The following KRT8 variants were observed in gnomAD, a reference collection of about 807,000 sequenced individuals.
KRT8 encodes keratin 8, also known as keratin, type II cytoskeletal 8.
KRT8 carries 24 observed loss-of-function variants against 43.0 expected under a neutral mutation model. The ratio of observed to expected loss-of-function variants is 0.56; its 90% confidence interval spans 0.40 to 0.78. The LOEUF (loss-of-function observed/expected upper bound fraction) is 0.78. Ranked by LOEUF, KRT8 falls within the 30% of genes least tolerant of loss-of-function variation. The probability of loss-of-function intolerance (pLI) is 0.00; values close to 1 mark genes in which losing one functional copy is unlikely to be tolerated. For missense variants in KRT8, 492 were observed against 638.4 expected, an observed-to-expected ratio of 0.77 and a Z score of 2.47; for synonymous variants, 214 against 261.2, an observed-to-expected ratio of 0.82 and a Z score of 1.74.
chr12:52,908,352 C>T (rs1941566043), upstream of KRT8, among the ~76,000 whole-genome samples: 1 of 152,158 alleles, frequency 6.6e-6, no homozygotes, highest in African/African-American at 2.4e-5. Flanking sequence ...GAGATCAGGA[C>T]TGATGATCTC....
chr12:52,936,717 T>G (rs1265609426), intron 2 of KRT8, among the ~76,000 whole-genome samples: 3 of 151,984 alleles, frequency 2.0e-5, no homozygotes, highest in Non-Finnish European at 4.4e-5. Flanking sequence ...GTTTCTCCAT[T>G]TTGGTCAGGC....
chr12:52,929,610 C>T (rs996751868), intron 2 of KRT8, among the ~76,000 whole-genome samples: 2 of 152,178 alleles, frequency 1.3e-5, no homozygotes, highest in Non-Finnish European at 2.9e-5. Flanking sequence ...CTATTCACCA[C>T]TTACACCTGT....
intron 2 of KRT8, chr12:52,926,336 T>TGGCC: frequency 2.6e-6 from 1 of 385,522 alleles, no homozygotes. Context: ...CTAGCTGCCC[T>TGGCC]CCCCACCCCA....
At chr12:52,949,377 C>G in intron 2 of KRT8, 1 of 1,610,736 alleles carries the variant, frequency 6.2e-7, no homozygotes. Flanking sequence ...CCGGGATAGC[C>G]GGGGGTCTGG....
At chr12:52,938,136 C>CTATACATATATATATATA (rs1555189938) in intron 2 of KRT8, among the ~76,000 whole-genome samples, 17 of 44,052 alleles carry the variant, frequency 3.9e-4, no homozygotes, top group African/African-American at 1.3e-3. Context: ...CACTAGAAAG[C>CTATACATATATATATATA]TATATATATA....
At chr12:52,916,632 T>C (rs990521464) in intron 2 of KRT8, among the ~76,000 whole-genome samples, 3 of 152,190 alleles carry the variant, frequency 2.0e-5, no homozygotes, top group Non-Finnish European at 4.4e-5. Context: ...AGTAAATGTA[T>C]AGACCCTCCC....
intron 5 of KRT8, 24 bp downstream of exon 5, chr12:52,899,751 T>TC: frequency 1.9e-6 from 3 of 1,567,790 alleles, no homozygotes; most frequent in Non-Finnish European, 2.6e-6. Flanking sequence ...AAGGAACCCC[T>TC]CCCACCCCCA....
At chr12:52,931,555 C>A (rs1942083845) in intron 2 of KRT8, among the ~76,000 whole-genome samples, 1 of 152,048 alleles carries the variant, frequency 6.6e-6, no homozygotes, top group Non-Finnish European at 1.5e-5. Flanking sequence ...TAAGGCAGTG[C>A]AAACTCTTCA....
intron 2 of KRT8, among the ~76,000 whole-genome samples, chr12:52,935,524 C>G (rs35568096): frequency 1.6e-5 from 2 of 124,070 alleles, no homozygotes; most frequent in African/African-American, 6.1e-5. Flanking sequence ...AATCCTGTCT[C>G]TACTTAAAAA....
intron 2 of KRT8, among the ~76,000 whole-genome samples, chr12:52,927,886 C>G (rs918553187): frequency 6.6e-6 from 1 of 152,198 alleles, no homozygotes; most frequent in Non-Finnish European, 1.5e-5. Context: ...CGAAATCAGC[C>G]TGGCCAACAT....
exon 6 of KRT8, chr12:52,898,750 C>T (rs1483753559): frequency 1.2e-6 from 2 of 1,614,262 alleles, no homozygotes; most frequent in African/African-American, 2.7e-5. Flanking sequence ...TGACGTTCAT[C>T]AGCTCCTGGT....
chr12:52,940,432 CAAAAAAAAA>C (rs959352157), intron 2 of KRT8, among the ~76,000 whole-genome samples: 3 of 50,792 alleles, frequency 5.9e-5, no homozygotes, highest in Admixed American at 4.6e-4. Context: ...GACTCAGTCT[CAAAAAAAAA>C]AAAAAAAAAG....
At chr12:52,922,184 TAAAAAAAAAAAAAAAAA>T (rs57023136) in intron 2 of KRT8, among the ~76,000 whole-genome samples, 12 of 38,728 alleles carry the variant, frequency 3.1e-4, no homozygotes, top group East Asian at 7.6e-4. Context: ...ACCCTGTCTC[TAAAAAAAAAAAAAAAAA>T]AAAAAAAAAA....
intron 2 of KRT8, among the ~76,000 whole-genome samples, chr12:52,935,113 G>A (rs1040341749): frequency 2.0e-5 from 3 of 151,676 alleles, no homozygotes; most frequent in Admixed American, 6.6e-5. Context: ...TGGCGTGGTG[G>A]CTCATGCCCG....
upstream of KRT8, among the ~76,000 whole-genome samples, chr12:52,905,713 T>TCA (rs1236242493): frequency 9.6e-6 from 1 of 104,360 alleles, no homozygotes; most frequent in African/African-American, 4.9e-5. Context: ...TGAATAAACA[T>TCA]CACACGCGCA....
Position 52,915,149 on chromosome 12 carries a change from G to A in KRT8, c.-46-10122C>T, listed in dbSNP as rs528115936. Among the ~76,000 whole-genome samples, 4 of 152,182 alleles carry A rather than the reference G, an allele frequency of 2.6e-5. No homozygotes were observed. In the South Asian group the frequency reaches 6.2e-4, roughly 24 times the overall value. On this transcript the variant is annotated intron_variant, in intron 2 of 6. Coordinates refer to the KRT8 transcript ENST00000546826. The stretch of plus-strand genomic sequence containing the variant: ...AGCTCTTTGGGAGGCAGAGGTGGGC[G>A]GATCATGAGGTCAGGAGATCGAGAC...
chr12:52,897,602 G>A (rs767355755), exon 8 of KRT8: 47 of 1,598,180 alleles, frequency 2.9e-5, no homozygotes, highest in Non-Finnish European at 3.8e-5. Context: ...GGCCCCCATA[G>A]GCCGAGCTCA....
intron 2 of KRT8, among the ~76,000 whole-genome samples, chr12:52,945,696 C>G (rs1942332435): frequency 1.3e-5 from 2 of 152,244 alleles, no homozygotes; most frequent in South Asian, 4.1e-4. Context: ...TCCCCTTCTG[C>G]TGGACGCTGG....
At chr12:52,902,532 T>G (rs1262137654) in intron 1 of KRT8, among the ~76,000 whole-genome samples, 2 of 152,118 alleles carry the variant, frequency 1.3e-5, no homozygotes, top group Admixed American at 1.3e-4. Flanking sequence ...TACAGGCACC[T>G]GCCTGCCACC....
Sources: allele counts gnomAD v4.1 joint callset (sites outside exome capture counted in the v4.1 genomes callset), GRCh38; gene constraint gnomAD v4.1.1; transcripts MANE v1.5; gene names NCBI Gene and HGNC (gene_info 2026-07-23, HGNC 2026-07-21).